The following PCDHGA9 variants were observed in gnomAD, a reference collection of about 807,000 sequenced individuals.
PCDHGA9 encodes the protein protocadherin gamma subfamily A, 9.
A neutral mutation model predicts 62.5 loss-of-function variants in PCDHGA9; 37 were observed. That is an observed-to-expected ratio of 0.59 (90% CI 0.46 to 0.78). The LOEUF (loss-of-function observed/expected upper bound fraction) is 0.78. Among genes scored for constraint, PCDHGA9 ranks in the 30% least tolerant of loss-of-function variants. PCDHGA9 has a pLI of 0.00. For synonymous variants in PCDHGA9, 459 were observed against 484.6 expected (o/e 0.95, Z 0.69); for missense variants, 1,138 against 1,166.2 (o/e 0.98, Z 0.35).
At chr5:141,484,453 C>T (rs1212059469) in intron 1 of PCDHGA9, among the ~76,000 whole-genome samples, 1 of 152,160 alleles carries the variant, frequency 6.6e-6, no homozygotes. Flanking sequence ...TAATTGGCTA[C>T]GTTAATGTGT....
At position 141,403,662 on chromosome 5, in the gene PCDHGA9, A is replaced by T; in HGVS notation, c.710A>T (p.Asp237Val). 1 of 1,613,902 alleles carries T rather than the reference A, an allele frequency of 6.2e-7. No homozygotes were observed. Among genetic ancestry groups the T allele is most frequent in the Non-Finnish European group, 8.5e-7 (1 of 1,179,880 alleles). The change falls in exon 1 of 4, where the codon GAT becomes GTT. Residue 237 changes from aspartate to valine, a missense_variant. By Grantham distance (152) the Asp-to-Val change is radical. Transcript: ENST00000573521. ...RIHVTVLDTNDNAPVFAQRIY... is the reference protein window; with the variant it reads ...RIHVTVLDTNVNAPVFAQRIY... ...CATGTGACAGTGTTGGATACAAATG[A>T]TAATGCCCCGGTTTTTGCTCAACGG...
At chr5:141,482,366 AT>A (rs1425349819) in intron 1 of PCDHGA9, among the ~76,000 whole-genome samples, 1 of 152,150 alleles carries the variant, frequency 6.6e-6, no homozygotes, top group Non-Finnish European at 1.5e-5. Flanking sequence ...GTGAAAAGTA[AT>A]GCATATAAAG....
In PCDHGA9 at chr5:141,409,417, G is replaced by A. The variant is rs774453166; in HGVS notation, c.2424+4041G>A. ...CTTCCAATAACTACTACAAACTGGT[G>A]ACAGATGGAGCCCTGGACCGAGAGC... On this transcript the variant is annotated intron_variant, in intron 1 of 3. Transcript: ENST00000573521. The A allele has an allele frequency of 5.6e-6, 9 of 1,613,880 alleles. No individual in the cohort carries two copies. The South Asian group carries it at 8.8e-5, about 16-fold the overall frequency.
At position 141,431,052 on chromosome 5, in the gene PCDHGA9, G is replaced by T. The variant is rs148326556; in HGVS notation, c.2424+25676G>T. 7.4e-6 allele frequency: 12 copies of T among 1,614,110 alleles called. No homozygotes were observed. The African/African-American group carries it at 1.6e-4, about 22-fold the overall frequency. On this transcript the variant is annotated intron_variant, in intron 1 of 3. Coordinates refer to ENST00000573521, the MANE Select transcript of PCDHGA9 (RefSeq NM_018921.3). The surrounding 1 kb of genome is among the most constrained non-coding windows in gnomAD (Gnocchi z 4.8). ...ATAGACCGGGAGGAGCTCTGTATGG[G>T]GGCCATCAAGTGTCAATTAAATCTA...
intron 1 of PCDHGA9, chr5:141,413,285 A>G: frequency 1.9e-6 from 3 of 1,613,892 alleles, no homozygotes; most frequent in Non-Finnish European, 2.5e-6. Flanking sequence ...CAGATCTCCT[A>G]CTCAATTCCT....
rs374476072 is a variant in PCDHGA9, at chr5:141,419,103, C to T, written c.2424+13727C>T. 5 of 1,613,886 alleles carry T rather than the reference C, an allele frequency of 3.1e-6. 1 individual carries two copies. Among genetic ancestry groups the T allele is most frequent in the South Asian group, 1.1e-5 (1 of 91,088 alleles). On this transcript the variant is annotated intron_variant, in intron 1 of 3. Transcript: ENST00000573521. ...GATGAGGCCCTGGATCGGGAGCAGA[C>T]CCCAGAGTACAACGTCACCATCGCA... is the stretch of plus-strand genomic sequence containing the variant.
At position 141,489,258 on chromosome 5, in the gene PCDHGA9, C is replaced by T. The variant is rs1594800449; in HGVS notation, c.2425-5549C>T. 3.2e-6 allele frequency: 5 copies of T among 1,551,530 alleles called. No individual in the cohort carries two copies. Among genetic ancestry groups the T allele is most frequent in the African/African-American group, 1.4e-5 (1 of 73,276 alleles). On this transcript the variant is annotated intron_variant, in intron 1 of 3. Coordinates refer to ENST00000573521, the MANE Select transcript of PCDHGA9 (RefSeq NM_018921.3). This position sits in a 1 kb window ranked among gnomAD's most constrained non-coding sequence, Gnocchi z 4.5. Reference sequence around the variant, plus strand: ...TCTGGGTCATGGGGCCCAAGACACTCCCACAGCTCGCTGGGAAATGGCAAG... The same window carrying T: ...TCTGGGTCATGGGGCCCAAGACACTTCCACAGCTCGCTGGGAAATGGCAAG...
rs535152193 is a variant in PCDHGA9, at chr5:141,422,906, C to G, written c.2424+17530C>G. ...TTCGTGCTGGACCAGAACGACAATG[C>G]GCCCGAGATCCTGTACCCTGCCCTC... On this transcript the variant is annotated intron_variant, in intron 1 of 3. Transcript: ENST00000573521. 6 of 1,614,264 alleles carry G rather than the reference C, an allele frequency of 3.7e-6. No homozygotes were observed. The South Asian group carries it at 6.6e-5, about 18-fold the overall frequency.
intron 2 of PCDHGA9, among the ~76,000 whole-genome samples, chr5:141,500,806 T>C (rs2099802700): frequency 6.6e-6 from 1 of 152,240 alleles, no homozygotes; most frequent in Non-Finnish European, 1.5e-5. Context: ...AGTCCTCATA[T>C]GAATATACAT....
intron 1 of PCDHGA9, chr5:141,415,483 A>G: frequency 6.2e-7 from 1 of 1,614,212 alleles, no homozygotes; most frequent in South Asian, 1.1e-5. Context: ...CTCGCGAAAG[A>G]GTCACCTGAT....
At chr5:141,446,873 A>T (rs1324695415) in intron 1 of PCDHGA9, among the ~76,000 whole-genome samples, 1 of 152,132 alleles carries the variant, frequency 6.6e-6, no homozygotes, top group African/African-American at 2.4e-5. Flanking sequence ...CTACACTGGT[A>T]TGTTTTGGGG....
At chr5:141,455,360 A>C (rs2098820130) in intron 1 of PCDHGA9, among the ~76,000 whole-genome samples, 1 of 152,112 alleles carries the variant, frequency 6.6e-6, no homozygotes, top group Non-Finnish European at 1.5e-5. Context: ...TTAATAGGCA[A>C]GAAGGAAGGG....
chr5:141,505,832 T>G (rs1006398435), intron 3 of PCDHGA9, among the ~76,000 whole-genome samples: 1 of 152,188 alleles, frequency 6.6e-6, no homozygotes, highest in African/African-American at 2.4e-5. Flanking sequence ...AAACCTCAGT[T>G]TCCTCAGCCT....
intron 1 of PCDHGA9, among the ~76,000 whole-genome samples, chr5:141,475,237 G>C (rs2099360785): frequency 6.6e-6 from 1 of 152,234 alleles, no homozygotes. Flanking sequence ...AAACGATAGA[G>C]AGAGTGTGCT....
chr5:141,502,868 T>TTTTTTTTTC (rs1298099288), intron 2 of PCDHGA9, among the ~76,000 whole-genome samples: 1 of 147,026 alleles, frequency 6.8e-6, no homozygotes, highest in Non-Finnish European at 1.5e-5. Flanking sequence ...CTCTCTGTCT[T>TTTTTTTTTC]TTTTTTTTTT....
chr5:141,415,602 A>G (rs1208876851), intron 1 of PCDHGA9: 2 of 1,613,602 alleles, frequency 1.2e-6, no homozygotes, highest in African/African-American at 2.7e-5. Flanking sequence ...AGGATACCCC[A>G]TTGGTTCCAG....
intron 3 of PCDHGA9, among the ~76,000 whole-genome samples, chr5:141,508,855 C>T (rs2099872444): frequency 6.6e-6 from 1 of 152,020 alleles, no homozygotes; most frequent in Non-Finnish European, 1.5e-5. Flanking sequence ...CATTCCCAGG[C>T]TGGGAAAGGC....
intron 1 of PCDHGA9, among the ~76,000 whole-genome samples, chr5:141,468,247 C>T (rs925455907): frequency 6.7e-6 from 1 of 149,930 alleles, no homozygotes; most frequent in Non-Finnish European, 1.5e-5. Flanking sequence ...ATTGCCTGAA[C>T]CTGGGAGGCA....
At chr5:141,492,993 G>A (rs952802686) in intron 1 of PCDHGA9, among the ~76,000 whole-genome samples, 5 of 152,216 alleles carry the variant, frequency 3.3e-5, no homozygotes, top group African/African-American at 1.2e-4. Flanking sequence ...CTGGCAGATG[G>A]AAAGCTATAG....
Sources: allele counts gnomAD v4.1 joint callset (sites outside exome capture counted in the v4.1 genomes callset), GRCh38; gene constraint gnomAD v4.1.1; non-coding constraint Gnocchi (gnomAD v3.1); transcripts MANE v1.5; gene names NCBI Gene and HGNC (gene_info 2026-07-23, HGNC 2026-07-21).